The following BCL9 variants were observed in gnomAD, a reference collection of about 807,000 sequenced individuals.
BCL9 encodes the protein B-cell CLL/lymphoma 9 protein.
In BCL9, 25 loss-of-function variants were observed where a neutral mutation model predicts 88.5. The observed-to-expected ratio is 0.28, with a 90% CI of 0.21 to 0.39. BCL9 has a LOEUF of 0.39. Ranked by LOEUF, BCL9 falls within the 10% of genes least tolerant of loss-of-function variation. The pLI is 1.00. For synonymous variants in BCL9, 711 were observed against 673.3 expected, an observed-to-expected ratio of 1.06 and a Z score of -0.87; for missense variants, 1,817 against 1,877.8, an observed-to-expected ratio of 0.97 and a Z score of 0.60.
At position 147,625,730 on chromosome 1, in the gene BCL9, G is replaced by C. The variant is rs1658910793; in HGVS notation, c.*771G>C. On this transcript the variant is annotated 3_prime_UTR_variant, in exon 10 of 10. Transcript: ENST00000234739. ...TCTCTTGTTTTCTCTCTCCGATTTT[G>C]CTCTGTCTCCTCAGTTAAGTGTTTC... 2 of 233,076 alleles carry C rather than the reference G, an allele frequency of 8.6e-6. No individual in the cohort carries two copies. Among genetic ancestry groups the C allele is most frequent in the Admixed American group, 5.6e-5 (1 of 17,756 alleles). 14.4% of individuals were successfully genotyped at this position (233,076 alleles called of 1,614,324 possible).
intron 1 of BCL9, among the ~76,000 whole-genome samples, chr1:147,544,740 C>T (rs1654479849): frequency 6.6e-6 from 1 of 151,920 alleles, no homozygotes; most frequent in South Asian, 2.1e-4. Flanking sequence ...AGTGAGGACT[C>T]ATAAAGGGAA....
rs1553206575 is a variant in BCL9 at position 147,626,061 on chromosome 1, G to C, written c.*1102G>C. 4.5e-6 allele frequency: 1 copy of C among 223,972 alleles called. No individual in the cohort carries two copies. The highest frequency in any genetic ancestry group is 1.8e-4 in the South Asian group (1 of 5,460). 13.9% of individuals were successfully genotyped at this position (223,972 alleles called of 1,614,324 possible). On this transcript the variant is annotated 3_prime_UTR_variant, in exon 10 of 10. Coordinates refer to ENST00000234739, the MANE Select transcript of BCL9 (RefSeq NM_004326.4). ...TGGAACAGATGCTAAAAGCTATCCAGGATTTTGTTTCTGTTTGTTTTAAAT... is the reference window on the plus strand; with the variant it reads ...TGGAACAGATGCTAAAAGCTATCCACGATTTTGTTTCTGTTTGTTTTAAAT...
At chr1:147,566,573 G>A (rs1655606344) in intron 1 of BCL9, among the ~76,000 whole-genome samples, 1 of 151,738 alleles carries the variant, frequency 6.6e-6, no homozygotes, top group South Asian at 2.1e-4. Flanking sequence ...TGGCTAACAC[G>A]GTGAAACCCT....
At chr1:147,612,014 G>T (rs1304177446) in intron 4 of BCL9, 125 bp downstream of exon 4, 1 of 909,410 alleles carries the variant, frequency 1.1e-6, no homozygotes, top group African/African-American at 1.7e-5. Context: ...GAAAGGAAGA[G>T]AAAATAGACT....
At chr1:147,579,677 A>G (rs1656274694) in intron 1 of BCL9, among the ~76,000 whole-genome samples, 1 of 152,206 alleles carries the variant, frequency 6.6e-6, no homozygotes, top group Non-Finnish European at 1.5e-5. Flanking sequence ...TTCCTCAGTA[A>G]GATCATTTCC....
chr1:147,613,258 C>G, intron 5 of BCL9, 59 bp downstream of exon 5: 1 of 1,577,492 alleles, frequency 6.3e-7, no homozygotes, highest in Non-Finnish European at 8.7e-7. Context: ...GGGAAGGCCT[C>G]TGACATTCGA....
At position 147,626,012 on chromosome 1, in the gene BCL9, A is replaced by G. The variant is rs1250983648; in HGVS notation, c.*1053A>G. On this transcript the variant is annotated 3_prime_UTR_variant, in exon 10 of 10. Coordinates refer to ENST00000234739, the MANE Select transcript of BCL9 (RefSeq NM_004326.4). ...TGTTCTCCTTTTATTAGGAATTCCC[A>G]AGTGAATTTTATTAATGTGGGAGTG... 3 of 227,678 alleles carry G rather than the reference A, an allele frequency of 1.3e-5. No individual in the cohort carries two copies. The highest frequency in any genetic ancestry group is 2.6e-5 in the Non-Finnish European group (3 of 114,376). The allele number at this position is 227,678 out of a possible 1,614,324, so 14.1% of individuals were successfully genotyped here.
At chr1:147,604,132 A>G (rs1238633755) in intron 1 of BCL9, among the ~76,000 whole-genome samples, 1 of 152,180 alleles carries the variant, frequency 6.6e-6, no homozygotes, top group Non-Finnish European at 1.5e-5. Context: ...TGCTAATAAT[A>G]CCAGGGATGG....
chr1:147,557,815 T>G (rs1553195612), intron 1 of BCL9, among the ~76,000 whole-genome samples: 1 of 152,250 alleles, frequency 6.6e-6, no homozygotes, highest in East Asian at 1.9e-4. Flanking sequence ...CTTCTTCCAA[T>G]TATTAATTAT....
At position 147,619,773 on chromosome 1, in the gene BCL9, A is replaced by G. The variant is rs1482429025; in HGVS notation, c.1618A>G (p.Met540Val). 1.2e-6 allele frequency: 2 copies of G among 1,614,072 alleles called. No individual in the cohort carries two copies. The highest frequency in any genetic ancestry group is 8.5e-7 in the Non-Finnish European group (1 of 1,180,026). ...AGAGCCATTTTCTGATGGTATCAAC[A>G]TGCCACATTCTCTGCCCCCGAGGGG... is the stretch of plus-strand genomic sequence containing the variant. The part of the protein sequence containing the change: ...GTEPFSDGIN[M>V]PHSLPPRGMA... Residue 540 changes from methionine (M) to valine (V), a missense_variant, in exon 8 of 10, where the codon ATG becomes GTG. By Grantham distance (21) the Met-to-Val change is conservative. Transcript: ENST00000234739. This position sits in a 1 kb window ranked among gnomAD's most constrained non-coding sequence, Gnocchi z 4.1.
At chr1:147,544,121 C>G (rs1207112275) in intron 1 of BCL9, among the ~76,000 whole-genome samples, 1 of 152,184 alleles carries the variant, frequency 6.6e-6, no homozygotes, top group Non-Finnish European at 1.5e-5. Flanking sequence ...TACCCCTGCC[C>G]TCAGGGAACT....
At chr1:147,583,719 G>A (rs1447943909) in intron 1 of BCL9, among the ~76,000 whole-genome samples, 1 of 151,662 alleles carries the variant, frequency 6.6e-6, no homozygotes, top group African/African-American at 2.4e-5. Context: ...TTGGGAGTCC[G>A]AGGTGGGCAG....
In BCL9 at chr1:147,615,915, A is replaced by G; in HGVS notation, c.660+13A>G. 1 of 1,599,250 alleles carries G rather than the reference A, an allele frequency of 6.3e-7. No homozygotes were observed. Among genetic ancestry groups the G allele is most frequent in the Middle Eastern group, 1.7e-4 (1 of 6,032 alleles). On this transcript the variant is annotated intron_variant, in intron 7 of 9. Transcript: ENST00000234739. ...CACAGCGCCTCTGGTATGTTGTTTC[A>G]GAAACTGAGTAATGGTTTAATGATT...
At position 147,624,980 on chromosome 1, in the gene BCL9, C is replaced by A; in HGVS notation, c.*21C>A. The A allele has an allele frequency of 6.3e-7, 1 of 1,588,048 alleles. No homozygotes were observed. The highest frequency in any genetic ancestry group is 8.6e-7 in the Non-Finnish European group (1 of 1,161,392). On this transcript the variant is annotated 3_prime_UTR_variant, in exon 10 of 10. Coordinates refer to ENST00000234739, the MANE Select transcript of BCL9 (RefSeq NM_004326.4). The surrounding 1 kb of genome is among the most constrained non-coding windows in gnomAD (Gnocchi z 4.4). Reference sequence around the variant, plus strand: ...TTTAAGCTGCTAAGATGGGATGTGCCGATCCTTGTCAAGATGAGATTCCAG... The same window carrying A: ...TTTAAGCTGCTAAGATGGGATGTGCAGATCCTTGTCAAGATGAGATTCCAG...
At chr1:147,564,712 T>C (rs1655527698) in intron 1 of BCL9, among the ~76,000 whole-genome samples, 1 of 152,176 alleles carries the variant, frequency 6.6e-6, no homozygotes, top group African/African-American at 2.4e-5. Flanking sequence ...TATCCTTCTT[T>C]TTAGAAGGTC....
intron 1 of BCL9, among the ~76,000 whole-genome samples, chr1:147,576,799 G>A (rs185843375): frequency 3.3e-5 from 5 of 152,234 alleles, no homozygotes; most frequent in East Asian, 1.9e-4. Context: ...TTTCTCACCC[G>A]CCTCCTCTGG....
intron 1 of BCL9, among the ~76,000 whole-genome samples, chr1:147,568,174 G>A (rs651863): frequency 2.0e-5 from 3 of 152,300 alleles, no homozygotes; most frequent in African/African-American, 7.2e-5. Context: ...TCCTAGTCTT[G>A]TTACTTCTCC....
At chr1:147,550,478 G>T (rs1654840385) in intron 1 of BCL9, among the ~76,000 whole-genome samples, 1 of 152,130 alleles carries the variant, frequency 6.6e-6, no homozygotes, top group Non-Finnish European at 1.5e-5. Context: ...AATTGGGAGA[G>T]GGAAGTGTAT....
chr1:147,612,997 C>T lies in BCL9; in HGVS notation c.168C>T (p.Ala56=). 6.2e-7 allele frequency: 1 copy of T among 1,603,742 alleles called. No individual in the cohort carries two copies. Among genetic ancestry groups the T allele is most frequent in the Non-Finnish European group, 8.5e-7 (1 of 1,175,266 alleles). Reference sequence around the variant, plus strand: ...ATCAGGGTAAACAGGGGGGCTCAGCCAGCCAATCCCAGCCATCCCCCTGTG... The same window carrying T: ...ATCAGGGTAAACAGGGGGGCTCAGCTAGCCAATCCCAGCCATCCCCCTGTG... The part of the protein sequence containing the change: ...FSNQGKQGGS[A]SQSQPSPCDS... The change falls in exon 5 of 10, where the codon GCC becomes GCT. Residue 56 remains alanine, a synonymous_variant. Transcript: ENST00000234739.
Sources: allele counts gnomAD v4.1 joint callset (sites outside exome capture counted in the v4.1 genomes callset), GRCh38; gene constraint gnomAD v4.1.1; non-coding constraint Gnocchi (gnomAD v3.1); transcripts MANE v1.5; gene names NCBI Gene and HGNC (gene_info 2026-07-23, HGNC 2026-07-21).